The following GALNT13 variants were observed in gnomAD, a reference collection of about 807,000 sequenced individuals.
GALNT13 encodes the protein UDP-GalNAc:polypeptide N-acetylgalactosaminyltransferase 13.
In GALNT13, 28 loss-of-function variants were observed where a neutral mutation model predicts 64.2. That is an observed-to-expected ratio of 0.44 (90% confidence interval 0.32 to 0.60). GALNT13 has a LOEUF of 0.60. Among genes scored for constraint, GALNT13 ranks in the 20% least tolerant of loss-of-function variants. The pLI is 0.05. For synonymous variants in GALNT13, 214 were observed against 224.6 expected (o/e 0.95, Z 0.42); for missense variants, 577 against 669.8 (o/e 0.86, Z 1.53).
the GALNT13 span, among the ~76,000 whole-genome samples, chr2:153,537,601 T>G: frequency 6.6e-6 from 1 of 152,102 alleles, no homozygotes; most frequent in Non-Finnish European, 1.5e-5. Flanking sequence ...TCCACCCAAA[T>G]CTCATCCTGA....
chr2:154,180,752 T>C (rs1395030166), intron 4 of GALNT13, among the ~76,000 whole-genome samples: 3 of 152,192 alleles, frequency 2.0e-5, no homozygotes. Flanking sequence ...GTAGTTGTTT[T>C]ATTTTTATTT....
the GALNT13 span, among the ~76,000 whole-genome samples, chr2:153,180,928 G>A: frequency 0.13 from 19,489 of 148,946 alleles, 1,543 homozygotes; most frequent in Non-Finnish European, 0.17. Flanking sequence ...CGAGCTAAAG[G>A]TTTATTAATT....
At chr2:153,331,545 G>A in the GALNT13 span, among the ~76,000 whole-genome samples, 1 of 152,228 alleles carries the variant, frequency 6.6e-6, no homozygotes, top group East Asian at 1.9e-4. Context: ...TGAAGAACTT[G>A]GGGTCCAATG....
At chr2:154,275,307 C>A (rs761942321) in intron 8 of GALNT13, among the ~76,000 whole-genome samples, 2 of 151,906 alleles carry the variant, frequency 1.3e-5, no homozygotes, top group Non-Finnish European at 2.9e-5. Context: ...TCACAGCAGC[C>A]CTTCCCATCA....
chr2:153,615,695 C>A, the GALNT13 span, among the ~76,000 whole-genome samples: 1 of 152,040 alleles, frequency 6.6e-6, no homozygotes. Flanking sequence ...AAATGGAAAT[C>A]TTTTAAATCT....
chr2:154,293,420 C>T (rs1233437438), intron 8 of GALNT13, among the ~76,000 whole-genome samples: 1 of 152,008 alleles, frequency 6.6e-6, no homozygotes, highest in Admixed American at 6.5e-5. Context: ...TTTTAAAAAG[C>T]AAGAATCAGC....
At chr2:153,614,075 T>C in the GALNT13 span, among the ~76,000 whole-genome samples, 2 of 151,986 alleles carry the variant, frequency 1.3e-5, no homozygotes, top group Non-Finnish European at 2.9e-5. Flanking sequence ...TGGCTATTAC[T>C]GGAAGGAACT....
chr2:153,739,433 A>G, the GALNT13 span, among the ~76,000 whole-genome samples: 1 of 150,920 alleles, frequency 6.6e-6, no homozygotes, highest in Admixed American at 6.6e-5. Context: ...TTCATTTTCC[A>G]TACTTTGAAG....
chr2:154,338,802 A>C (rs1004551335), intron 9 of GALNT13, among the ~76,000 whole-genome samples: 2 of 152,018 alleles, frequency 1.3e-5, no homozygotes, highest in South Asian at 2.1e-4. Flanking sequence ...AGGGTAGTTA[A>C]GGTGTGGGCT....
intron 3 of GALNT13, among the ~76,000 whole-genome samples, chr2:153,947,168 A>C (rs1401338337): frequency 3.3e-5 from 5 of 151,928 alleles, no homozygotes; most frequent in Non-Finnish European, 7.4e-5. Context: ...TCATTCATTC[A>C]CTCATTCATT....
intron 3 of GALNT13, among the ~76,000 whole-genome samples, chr2:153,984,005 A>G (rs1039659912): frequency 7.2e-5 from 11 of 151,894 alleles, no homozygotes; most frequent in African/African-American, 2.2e-4. Context: ...ATTTTATTAT[A>G]CCTGTCATCT....
At chr2:153,489,564 C>T in the GALNT13 span, among the ~76,000 whole-genome samples, 3 of 152,138 alleles carry the variant, frequency 2.0e-5, no homozygotes, top group Admixed American at 6.5e-5. Context: ...TCACTGTTGC[C>T]GTATATCCAA....
At chr2:153,507,206 GT>G in the GALNT13 span, among the ~76,000 whole-genome samples, 1 of 151,440 alleles carries the variant, frequency 6.6e-6, no homozygotes, top group African/African-American at 2.4e-5. Flanking sequence ...AGTTGTGATT[GT>G]TTTTTATTCG....
the GALNT13 span, among the ~76,000 whole-genome samples, chr2:153,459,121 G>C: frequency 6.6e-6 from 1 of 152,020 alleles, no homozygotes; most frequent in Non-Finnish European, 1.5e-5. Context: ...GAAATTCATG[G>C]ATAAAATGTG....
chr2:153,369,882 C>G, the GALNT13 span, among the ~76,000 whole-genome samples: 1 of 152,146 alleles, frequency 6.6e-6, no homozygotes, highest in Non-Finnish European at 1.5e-5. Flanking sequence ...TCCTGGCCAA[C>G]AGCTCAATGG....
the GALNT13 span, among the ~76,000 whole-genome samples, chr2:153,499,524 C>T: frequency 6.6e-6 from 1 of 152,152 alleles, no homozygotes; most frequent in South Asian, 2.1e-4. Flanking sequence ...CACCCAGGAG[C>T]CTGTCTGCCT....
At chr2:153,274,938 AG>A in the GALNT13 span, among the ~76,000 whole-genome samples, 9 of 152,218 alleles carry the variant, frequency 5.9e-5, no homozygotes, top group Non-Finnish European at 5.9e-5. Context: ...GTGGTCAGTT[AG>A]GCTTAGCATA....
At chr2:154,190,517 G>T (rs1018364625) in intron 4 of GALNT13, among the ~76,000 whole-genome samples, 1 of 152,166 alleles carries the variant, frequency 6.6e-6, no homozygotes, top group Admixed American at 6.5e-5. Context: ...TTGACATTCG[G>T]TTTAAACAAG....
chr2:154,318,814 C>T (rs1447037017), intron 9 of GALNT13, among the ~76,000 whole-genome samples: 1 of 151,914 alleles, frequency 6.6e-6, no homozygotes, highest in Non-Finnish European at 1.5e-5. Context: ...ATGGAATCAC[C>T]CAATGGTTAA....
Sources: gnomAD v4.1 joint callset for allele counts (sites outside exome capture counted in the v4.1 genomes callset) on GRCh38, gnomAD v4.1.1 for gene constraint, MANE v1.5 for transcripts, NCBI Gene and HGNC (gene_info 2026-07-23, HGNC 2026-07-21) for gene names.